Variants in NAV2 observed in about 807,000 individuals in gnomAD.
The protein encoded by NAV2 is neuron navigator 2, also known as helicase, APC down-regulated 1.
A neutral mutation model predicts 223.2 loss-of-function variants in NAV2; 54 were observed. The observed-to-expected ratio is 0.24, with a 90% CI of 0.19 to 0.30. NAV2 has a LOEUF of 0.30. Among genes scored for constraint, NAV2 ranks in the 10% least tolerant of loss-of-function variants. The probability of loss-of-function intolerance (pLI) is 1.00; values close to 1 mark genes in which losing one functional copy is unlikely to be tolerated. For missense variants in NAV2, 2,806 were observed against 3,147.5 expected, an observed-to-expected ratio of 0.89 and a Z score of 2.60; for synonymous variants, 1,279 against 1,239.3, an observed-to-expected ratio of 1.03 and a Z score of -0.67.
chr11:19,660,324 T>C (rs1022251018), intron 1 of NAV2, among the ~76,000 whole-genome samples: 12 of 152,182 alleles, frequency 7.9e-5, no homozygotes, highest in African/African-American at 2.9e-4. Context: ...CTGGGAGCTC[T>C]TCACCTGTCT....
chr11:19,807,525 ATGG>A (rs1232098750), intron 1 of NAV2, among the ~76,000 whole-genome samples: 2 of 152,200 alleles, frequency 1.3e-5, no homozygotes, highest in Non-Finnish European at 2.9e-5. Flanking sequence ...CCTTGCCCCA[ATGG>A]TGGGGGCTGC....
At chr11:19,716,734 A>G (rs1037939606) in intron 1 of NAV2, among the ~76,000 whole-genome samples, 2 of 152,232 alleles carry the variant, frequency 1.3e-5, no homozygotes, top group Non-Finnish European at 2.9e-5. Context: ...CACTTAAATC[A>G]GGTCTGATAC....
chr11:20,084,029 T>C (rs1384621134), intron 26 of NAV2, among the ~76,000 whole-genome samples: 1 of 152,204 alleles, frequency 6.6e-6, no homozygotes, highest in Non-Finnish European at 1.5e-5. Context: ...ATCTTTGTAG[T>C]ATACCAACTG....
chr11:19,348,121 C>A (rs979568718), upstream of NAV2, among the ~76,000 whole-genome samples: 2 of 152,174 alleles, frequency 1.3e-5, no homozygotes, highest in African/African-American at 4.8e-5. Flanking sequence ...GTGGCGAGAG[C>A]GTCTGTCCCC....
chr11:19,766,063 G>GA (rs1196118221), intron 1 of NAV2, among the ~76,000 whole-genome samples: 2 of 151,918 alleles, frequency 1.3e-5, no homozygotes, highest in Non-Finnish European at 2.9e-5. Flanking sequence ...TGGTCAATCA[G>GA]AAAAAATATT....
chr11:19,417,885 C>A (rs746813782), intron 1 of NAV2, among the ~76,000 whole-genome samples: 5 of 152,158 alleles, frequency 3.3e-5, no homozygotes, highest in Non-Finnish European at 7.3e-5. Context: ...AAACCAAACA[C>A]CACATGTTCT....
intron 1 of NAV2, among the ~76,000 whole-genome samples, chr11:19,440,579 A>G (rs1264796234): frequency 6.6e-6 from 1 of 152,090 alleles, no homozygotes; most frequent in Admixed American, 6.6e-5. Flanking sequence ...TCTTGCATTG[A>G]ACATTTATTT....
At chr11:19,898,086 G>T (rs2042148876) in intron 6 of NAV2, among the ~76,000 whole-genome samples, 1 of 151,644 alleles carries the variant, frequency 6.6e-6, no homozygotes, top group African/African-American at 2.4e-5. Context: ...AACACTGCCT[G>T]GGATCTAGTA....
At chr11:19,354,506 GC>G (rs1853502428) in intron 1 of NAV2, among the ~76,000 whole-genome samples, 1 of 152,250 alleles carries the variant, frequency 6.6e-6, no homozygotes, top group Non-Finnish European at 1.5e-5. Flanking sequence ...ACTGGCCTAT[GC>G]CTTAAAGAAA....
intron 1 of NAV2, among the ~76,000 whole-genome samples, chr11:19,489,648 G>A (rs541439077): frequency 6.6e-6 from 1 of 152,346 alleles, no homozygotes; most frequent in South Asian, 2.1e-4. Context: ...AGAATCACCT[G>A]TGCCTGATTC....
Position 19,887,683 on chromosome 11 carries a change from T to C in NAV2, c.771-4751T>C, listed in dbSNP as rs527506482. On this transcript the variant is annotated intron_variant, in intron 5 of 37. Coordinates refer to ENST00000349880, the MANE Select transcript of NAV2 (RefSeq NM_145117.5). ...AGGCAACCAGGCTGCCTCTAGAAAG[T>C]CCCACAGAATTGATCTGTATGCAAC... Among the ~76,000 whole-genome samples, 52 of 152,230 alleles carry C rather than the reference T, an allele frequency of 3.4e-4. No individual in the cohort carries two copies. In the South Asian group the frequency reaches 0.011, roughly 32 times the overall value.
chr11:19,812,626 T>C (rs2058889812), intron 1 of NAV2, among the ~76,000 whole-genome samples: 1 of 152,052 alleles, frequency 6.6e-6, no homozygotes, highest in African/African-American at 2.4e-5. Flanking sequence ...GCCTTGGTAG[T>C]GTAACAGGTA....
chr11:20,009,939 T>C (rs1318106391), intron 11 of NAV2, among the ~76,000 whole-genome samples: 1 of 152,180 alleles, frequency 6.6e-6, no homozygotes, highest in East Asian at 1.9e-4. Context: ...GCCTGAACTT[T>C]TCCTTATCAT....
intron 1 of NAV2, among the ~76,000 whole-genome samples, chr11:19,802,324 C>A (rs185455508): frequency 9.9e-4 from 150 of 152,150 alleles, no homozygotes; most frequent in Admixed American, 2.2e-3. Flanking sequence ...GCTTGGCTGG[C>A]CTCTTCCATT....
chr11:19,877,084 G>A (rs1383072686), intron 4 of NAV2, among the ~76,000 whole-genome samples: 2 of 151,950 alleles, frequency 1.3e-5, no homozygotes, highest in Non-Finnish European at 2.9e-5. Flanking sequence ...TAGGAAACTG[G>A]ACCCTGAGTC....
intron 1 of NAV2, among the ~76,000 whole-genome samples, chr11:19,401,528 A>T (rs1465493484): frequency 6.6e-6 from 1 of 152,240 alleles, no homozygotes; most frequent in African/African-American, 2.4e-5. Context: ...TAGACATTAG[A>T]GCGAGACAGG....
chr11:19,689,451 G>A lies in NAV2; in HGVS notation c.76-143033G>A, dbSNP rs572745820. On this transcript the variant is annotated intron_variant, in intron 1 of 37. Transcript: ENST00000360655. ...GACTCAGGGCAAAGACATCACTGGG[G>A]GCCAAGAGCTGGCCACAAGGCTGGC... 1.2e-4 allele frequency among the ~76,000 whole-genome samples: 18 copies of A among 152,312 alleles called. No individual in the cohort carries two copies. The East Asian group carries it at 3.3e-3, about 28-fold the overall frequency.
chr11:19,566,243 T>G (rs4533018), intron 1 of NAV2, among the ~76,000 whole-genome samples: 131,997 of 151,570 alleles, frequency 0.87, 59,530 homozygotes, highest in Middle Eastern at 0.99. Flanking sequence ...GCTAATTTTT[T>G]TTGTTGTTGC....
chr11:19,391,334 C>G (rs1036523892), intron 1 of NAV2, among the ~76,000 whole-genome samples: 1 of 152,166 alleles, frequency 6.6e-6, no homozygotes, highest in Admixed American at 6.5e-5. Flanking sequence ...TGCTGTTTCA[C>G]CTGTTCCCAA....
Sources: allele counts gnomAD v4.1 joint callset (sites outside exome capture counted in the v4.1 genomes callset), GRCh38; gene constraint gnomAD v4.1.1; transcripts MANE v1.5; gene names NCBI Gene and HGNC (gene_info 2026-07-23, HGNC 2026-07-21).